FNIP1: variants seen among roughly 807,000 people sequenced by gnomAD.
The protein encoded by FNIP1 is folliculin-interacting protein 1.
In FNIP1, 40 loss-of-function variants were observed where a neutral mutation model predicts 124.5. The ratio of observed to expected loss-of-function variants is 0.32; its 90% CI spans 0.25 to 0.42. The LOEUF is 0.42. Among genes scored for constraint, FNIP1 ranks in the 10% least tolerant of loss-of-function variants. FNIP1 has a pLI of 1.00. For missense variants in FNIP1, 1,176 were observed against 1,403.7 expected (o/e 0.84, Z 2.59); for synonymous variants, 472 against 470.6 (o/e 1.00, Z -0.04).
chr5:131,709,988 A>C (rs1245402281), intron 7 of FNIP1, among the ~76,000 whole-genome samples: 2 of 152,250 alleles, frequency 1.3e-5, no homozygotes, highest in Non-Finnish European at 2.9e-5. Flanking sequence ...TGTGAAAACA[A>C]GGAATATGAT....
chr5:131,748,558 G>A (rs904395562), intron 1 of FNIP1, among the ~76,000 whole-genome samples: 1 of 151,646 alleles, frequency 6.6e-6, no homozygotes, highest in Non-Finnish European at 1.5e-5. Context: ...TTAGCCAGGC[G>A]TGGTGGCATG....
chr5:131,760,089 G>A (rs1487208059), intron 1 of FNIP1, among the ~76,000 whole-genome samples: 1 of 152,132 alleles, frequency 6.6e-6, no homozygotes, highest in Admixed American at 6.5e-5. Flanking sequence ...GACTACTAGA[G>A]GGAAGAGGGA....
intron 3 of FNIP1, among the ~76,000 whole-genome samples, chr5:131,725,533 T>C (rs1769831326): frequency 6.6e-6 from 1 of 152,234 alleles, no homozygotes. Context: ...TTGTGATTTT[T>C]GCACATTGAT....
At chr5:131,752,157 C>T (rs889772250) in intron 1 of FNIP1, among the ~76,000 whole-genome samples, 9 of 152,078 alleles carry the variant, frequency 5.9e-5, no homozygotes, top group African/African-American at 2.2e-4. Context: ...CATTCTCCTG[C>T]CTCAGCCTCC....
chr5:131,716,727 G>C (rs1166470242), intron 5 of FNIP1, 71 bp from the exon 6 acceptor site: 1 of 909,560 alleles, frequency 1.1e-6, no homozygotes, highest in East Asian at 2.8e-5. Context: ...TGTACATCCT[G>C]ATGAAATTTT....
chr5:131,772,670 T>C (rs1279370921), intron 1 of FNIP1, among the ~76,000 whole-genome samples: 1 of 152,112 alleles, frequency 6.6e-6, no homozygotes, highest in African/African-American at 2.4e-5. Context: ...CCCAATTGGG[T>C]AGATTGAGGC....
chr5:131,770,094 T>C (rs1771577480), intron 1 of FNIP1, among the ~76,000 whole-genome samples: 1 of 152,198 alleles, frequency 6.6e-6, no homozygotes, highest in Non-Finnish European at 1.5e-5. Flanking sequence ...TCTCAACTTC[T>C]GTATGTCCCA....
At chr5:131,790,711 T>G (rs1422131271) in intron 1 of FNIP1, among the ~76,000 whole-genome samples, 1 of 152,190 alleles carries the variant, frequency 6.6e-6, no homozygotes, top group East Asian at 1.9e-4. Context: ...GAAACAAAGT[T>G]ACAGTCAGAC....
chr5:131,700,810 A>G (rs897480658), intron 10 of FNIP1, among the ~76,000 whole-genome samples: 1 of 152,180 alleles, frequency 6.6e-6, no homozygotes, highest in African/African-American at 2.4e-5. Flanking sequence ...TCACTATTAT[A>G]TTCTATTCTT....
chr5:131,657,270 GGGATTACAGGC>G (rs1767224697), intron 15 of FNIP1, among the ~76,000 whole-genome samples: 7 of 152,064 alleles, frequency 4.6e-5, no homozygotes, highest in Admixed American at 3.9e-4. Flanking sequence ...CTAAGGTGCT[GGGATTACAGGC>G]GTGAGCCACC....
chr5:131,673,192 C>T (rs27351), intron 13 of FNIP1, among the ~76,000 whole-genome samples: 118,072 of 151,450 alleles, frequency 0.78, 46,212 homozygotes, highest in Middle Eastern at 0.83. Context: ...GGACTATAAG[C>T]GCGTGCCACC....
Position 131,647,214 on chromosome 5 carries a change from A to G in FNIP1, c.3307-9T>C. On this transcript the variant is annotated splice_polypyrimidine_tract_variant and intron_variant, in intron 16 of 17. Coordinates refer to ENST00000510461, the MANE Select transcript of FNIP1 (RefSeq NM_133372.3). ...TCAAGATGCATTACACACTGCAGTTAGGGAGGAACCAAGAACCAGGTCAGA... is the reference window on the plus strand; with the variant it reads ...TCAAGATGCATTACACACTGCAGTTGGGGAGGAACCAAGAACCAGGTCAGA... The G allele has an allele frequency of 6.2e-7, 1 of 1,605,518 alleles. No homozygotes were observed.
At chr5:131,782,725 G>T (rs936521818) in intron 1 of FNIP1, among the ~76,000 whole-genome samples, 10 of 152,218 alleles carry the variant, frequency 6.6e-5, no homozygotes, top group Non-Finnish European at 1.5e-4. Flanking sequence ...CAGGAGTTTG[G>T]AAGAAGCTGA....
At chr5:131,654,721 G>C (rs1467263460) in intron 15 of FNIP1, among the ~76,000 whole-genome samples, 1 of 152,138 alleles carries the variant, frequency 6.6e-6, no homozygotes, top group African/African-American at 2.4e-5. Flanking sequence ...GTATAGATAG[G>C]ACTACTGGTG....
chr5:131,796,654 G>T, intron 1 of FNIP1, 176 bp downstream of exon 1: 1 of 601,412 alleles, frequency 1.7e-6, no homozygotes, highest in South Asian at 2.1e-5. Flanking sequence ...TAAAAGGTAG[G>T]ACCTCGCTCC....
At chr5:131,750,739 A>G (rs1316899431) in intron 1 of FNIP1, among the ~76,000 whole-genome samples, 1 of 151,722 alleles carries the variant, frequency 6.6e-6, no homozygotes, top group South Asian at 2.1e-4. Context: ...CAGCCTCCCA[A>G]TTAGCTGAGA....
intron 1 of FNIP1, among the ~76,000 whole-genome samples, chr5:131,779,030 A>T (rs1321777084): frequency 2.3e-5 from 3 of 131,946 alleles, no homozygotes; most frequent in Non-Finnish European, 4.8e-5. Flanking sequence ...TAGCATTGGG[A>T]GATATACCTA....
chr5:131,744,913 C>G (rs569521629), intron 1 of FNIP1, among the ~76,000 whole-genome samples: 1 of 151,168 alleles, frequency 6.6e-6, no homozygotes, highest in South Asian at 2.1e-4. Context: ...ATACTGGTAA[C>G]TATCAGTATA....
intron 16 of FNIP1, among the ~76,000 whole-genome samples, chr5:131,649,094 C>T (rs1405307830): frequency 6.6e-6 from 1 of 152,040 alleles, no homozygotes; most frequent in African/African-American, 2.4e-5. Flanking sequence ...TAACGTTTGG[C>T]GATTGAGAAT....
Sources: gnomAD v4.1 joint callset for allele counts (sites outside exome capture counted in the v4.1 genomes callset) on GRCh38, gnomAD v4.1.1 for gene constraint, MANE v1.5 for transcripts, NCBI Gene and HGNC (gene_info 2026-07-23, HGNC 2026-07-21) for gene names.